The following CLASP2 variants were observed in gnomAD, a reference collection of about 807,000 sequenced individuals.
CLASP2 encodes cytoplasmic linker associated protein 2.
CLASP2 carries 47 observed loss-of-function variants against 194.4 expected under a neutral mutation model. That is an observed-to-expected ratio of 0.24 (90% CI 0.19 to 0.31). CLASP2 has a LOEUF of 0.31. Ranked by LOEUF, CLASP2 falls within the 10% of genes least tolerant of loss-of-function variation. The probability of loss-of-function intolerance (pLI) is 1.00; values close to 1 mark genes in which losing one functional copy is unlikely to be tolerated. For synonymous variants in CLASP2, 619 were observed against 633.5 expected, an observed-to-expected ratio of 0.98 and a Z score of 0.34; for missense variants, 1,445 against 1,823.6, an observed-to-expected ratio of 0.79 and a Z score of 3.78.
intron 21 of CLASP2, among the ~76,000 whole-genome samples, chr3:33,591,636 A>C (rs2068821780): frequency 6.6e-6 from 1 of 152,228 alleles, no homozygotes; most frequent in Non-Finnish European, 1.5e-5. Flanking sequence ...TACTTTTAAA[A>C]AATGCCATAA....
intron 8 of CLASP2, among the ~76,000 whole-genome samples, chr3:33,638,527 C>A (rs765398030): frequency 6.6e-6 from 1 of 152,094 alleles, no homozygotes; most frequent in African/African-American, 2.4e-5. Flanking sequence ...AGGATGGTCT[C>A]GGTCTCCTGA....
intron 34 of CLASP2, among the ~76,000 whole-genome samples, chr3:33,529,093 A>C (rs2055444930): frequency 6.6e-6 from 1 of 152,198 alleles, no homozygotes; most frequent in Non-Finnish European, 1.5e-5. Flanking sequence ...AAAGAATAAA[A>C]TACCTAGGAA....
intron 24 of CLASP2, among the ~76,000 whole-genome samples, chr3:33,575,436 C>A (rs1415981551): frequency 6.6e-6 from 1 of 151,830 alleles, no homozygotes; most frequent in Non-Finnish European, 1.5e-5. Context: ...AAAGATGAGG[C>A]CTCTTACAAG....
chr3:33,545,025 T>A, intron 30 of CLASP2, 184 bp from the exon 31 acceptor site: 2 of 379,720 alleles, frequency 5.3e-6, no homozygotes, highest in Admixed American at 4.6e-5. Context: ...TGACCTACCT[T>A]TTTTTTTTTT....
rs1033060553 is a variant in CLASP2, at chr3:33,508,966, C to T, written c.4317+1592G>A. Among the ~76,000 whole-genome samples the T allele has an allele frequency of 2.0e-5, 3 of 152,284 alleles. No individual in the cohort carries two copies. The East Asian group carries it at 5.8e-4, about 29-fold the overall frequency. The stretch of plus-strand genomic sequence containing the variant: ...ATTTTATACATTACCTGCTCCAAAC[C>T]TGGACTCAGTCATTTTCCCAAAGAC... On this transcript the variant is annotated intron_variant, in intron 37 of 38. Transcript: ENST00000682230.
At chr3:33,516,264 GC>G in intron 35 of CLASP2, 113 bp from the exon 36 acceptor site, 1 of 898,876 alleles carries the variant, frequency 1.1e-6, no homozygotes, top group Non-Finnish European at 1.6e-6. Context: ...GTAGATAACT[GC>G]ATAAAGTATG....
At chr3:33,527,388 C>T (rs988372173) in intron 34 of CLASP2, among the ~76,000 whole-genome samples, 2 of 152,146 alleles carry the variant, frequency 1.3e-5, no homozygotes, top group African/African-American at 4.8e-5. Context: ...TTCCTGGACA[C>T]ATACACCCTC....
chr3:33,552,977 C>T (rs1021230027), intron 29 of CLASP2, among the ~76,000 whole-genome samples: 1 of 152,186 alleles, frequency 6.6e-6, no homozygotes, highest in Non-Finnish European at 1.5e-5. Flanking sequence ...TCCTTGGATA[C>T]AGCAAGGATG....
At chr3:33,715,397 T>C (rs4437091) in intron 1 of CLASP2, among the ~76,000 whole-genome samples, 76,382 of 151,974 alleles carry the variant, frequency 0.5, 20,682 homozygotes, top group African/African-American at 0.7. Context: ...ATTCCCTTCA[T>C]TGTTTTTTTC....
chr3:33,691,501 G>C (rs1379386683), intron 2 of CLASP2, among the ~76,000 whole-genome samples: 1 of 152,158 alleles, frequency 6.6e-6, no homozygotes, highest in African/African-American at 2.4e-5. Context: ...CTTAATCACA[G>C]AAATGATTGT....
intron 21 of CLASP2, among the ~76,000 whole-genome samples, chr3:33,590,158 T>A (rs559526097): frequency 6.6e-6 from 1 of 152,334 alleles, no homozygotes; most frequent in African/African-American, 2.4e-5. Context: ...TATTCAGGGC[T>A]AAGCAATATT....
chr3:33,510,050 A>C (rs2049311512), intron 37 of CLASP2, among the ~76,000 whole-genome samples: 1 of 152,252 alleles, frequency 6.6e-6, no homozygotes, highest in South Asian at 2.1e-4. Flanking sequence ...CATATTATTC[A>C]TTCATAAAAA....
chr3:33,526,747 A>T (rs1381047955), intron 34 of CLASP2, among the ~76,000 whole-genome samples: 1 of 152,230 alleles, frequency 6.6e-6, no homozygotes, highest in Admixed American at 6.5e-5. Flanking sequence ...AATCCTCAAG[A>T]AAAGTAAAAG....
chr3:33,616,425 C>A (rs965809302), intron 12 of CLASP2, among the ~76,000 whole-genome samples: 10 of 152,172 alleles, frequency 6.6e-5, no homozygotes, highest in South Asian at 6.2e-4. Context: ...CAAAATCTTA[C>A]TAAACTTAGC....
Position 33,644,865 on chromosome 3 carries a change from T to G in CLASP2, c.754A>C (p.Arg252=), listed in dbSNP as rs768620375. 1.2e-6 allele frequency: 2 copies of G among 1,607,406 alleles called. No homozygotes were observed. Among genetic ancestry groups the G allele is most frequent in the Non-Finnish European group, 1.7e-6 (2 of 1,176,560 alleles). ...FDDEESVDGN[R]PSSAASAFKV... ...AAGGCTGATGCAGCTGATGATGGCCTATTTCCATCCACTGATTCTTCATCA... is the reference window on the plus strand; with the variant it reads ...AAGGCTGATGCAGCTGATGATGGCCGATTTCCATCCACTGATTCTTCATCA... Residue 252 remains arginine (R), a synonymous_variant, in exon 8 of 39, where the codon AGG becomes CGG. Coordinates refer to ENST00000682230, the MANE Select transcript of CLASP2 (RefSeq NM_001365631.1).
chr3:33,594,769 T>TA (rs533766803), intron 20 of CLASP2, among the ~76,000 whole-genome samples, 182 bp downstream of exon 20: 54 of 143,194 alleles, frequency 3.8e-4, no homozygotes, highest in Middle Eastern at 3.5e-3. Flanking sequence ...GATGAAGAAT[T>TA]AAAAAAAAAA....
At chr3:33,639,766 C>T (rs999175239) in intron 8 of CLASP2, among the ~76,000 whole-genome samples, 4 of 152,016 alleles carry the variant, frequency 2.6e-5, no homozygotes. Context: ...GACAGACTGG[C>T]GACTGGTCAA....
chr3:33,684,259 A>C (rs576662742), intron 6 of CLASP2, 100 bp downstream of exon 6: 26 of 626,678 alleles, frequency 4.1e-5, no homozygotes, highest in Non-Finnish European at 6.2e-5. Flanking sequence ...AAAATAAATA[A>C]ATAAATAAAT....
chr3:33,500,056 A>G (rs933810222), intron 38 of CLASP2, among the ~76,000 whole-genome samples: 3 of 151,852 alleles, frequency 2.0e-5, no homozygotes, highest in Admixed American at 6.6e-5. Flanking sequence ...TTTTTGATAC[A>G]GGGTCTTGCT....
Sources: gnomAD v4.1 joint callset for allele counts (sites outside exome capture counted in the v4.1 genomes callset) on GRCh38, gnomAD v4.1.1 for gene constraint, MANE v1.5 for transcripts, NCBI Gene and HGNC (gene_info 2026-07-23, HGNC 2026-07-21) for gene names.